SAMD12: variants seen among roughly 807,000 people sequenced by gnomAD.
SAMD12 encodes sterile alpha motif domain-containing protein 12.
A neutral mutation model predicts 15.0 loss-of-function variants in SAMD12; 9 were observed. The observed-to-expected ratio is 0.60, with a 90% CI of 0.36 to 1.05. The LOEUF is 1.05. Among genes scored for constraint, SAMD12 ranks in the 50% least tolerant of loss-of-function variants. The pLI is 0.01. For synonymous variants in SAMD12, 86 were observed against 90.1 expected, an observed-to-expected ratio of 0.96 and a Z score of 0.25; for missense variants, 230 against 234.2, an observed-to-expected ratio of 0.98 and a Z score of 0.12.
At chr8:118,246,990 A>G (rs955629955) in intron 4 of SAMD12, among the ~76,000 whole-genome samples, 1 of 152,100 alleles carries the variant, frequency 6.6e-6, no homozygotes, top group African/African-American at 2.4e-5. Context: ...AAAGGAGACA[A>G]AGTTTTAGGC....
intron 3 of SAMD12, among the ~76,000 whole-genome samples, chr8:118,437,845 G>A (rs139450051): frequency 6.4e-4 from 98 of 152,282 alleles, no homozygotes; most frequent in African/African-American, 2.3e-3. Flanking sequence ...TCTGAGGACT[G>A]TAAGGCTCAT....
At chr8:118,544,302 G>C (rs1323972921) in intron 2 of SAMD12, among the ~76,000 whole-genome samples, 2 of 152,130 alleles carry the variant, frequency 1.3e-5, no homozygotes, top group East Asian at 3.9e-4. Flanking sequence ...AAGTGAAGTA[G>C]TCTTCCACAA....
At chr8:118,466,895 C>A (rs1178455720) in intron 2 of SAMD12, among the ~76,000 whole-genome samples, 1 of 152,132 alleles carries the variant, frequency 6.6e-6, no homozygotes, top group Non-Finnish European at 1.5e-5. Flanking sequence ...GGAAATTAAC[C>A]ACTTTTCACT....
rs114671806 is a variant in SAMD12 at position 118,427,575 on chromosome 8, G to A, written c.322+12257C>T. On this transcript the variant is annotated intron_variant, in intron 3 of 3. Coordinates refer to ENST00000314727, the MANE Select transcript of SAMD12 (RefSeq NM_207506.3). ...TAATATGTGCCCTTTTGGGTTTAAC[G>A]TGTTTCACCGAGCACAATGTGAGAT... 9.2e-3 allele frequency among the ~76,000 whole-genome samples: 1,400 copies of A among 151,968 alleles called. 31 individuals carry two copies. Among genetic ancestry groups the A allele is most frequent in the African/African-American group, 0.03 (1,262 of 41,476 alleles).
At chr8:118,169,877 G>T in the SAMD12 span, among the ~76,000 whole-genome samples, 4 of 152,110 alleles carry the variant, frequency 2.6e-5, no homozygotes, top group African/African-American at 9.7e-5. Context: ...CCCACTTGTG[G>T]TTAAGTGTGT....
chr8:118,229,681 C>G (rs11562798), intron 4 of SAMD12, among the ~76,000 whole-genome samples: 4,974 of 152,256 alleles, frequency 0.033, 245 homozygotes, highest in African/African-American at 0.1. Context: ...GGCTCTGACT[C>G]TCAACTAAGC....
chr8:118,230,859 G>T (rs1034075280), intron 4 of SAMD12, among the ~76,000 whole-genome samples: 1 of 152,168 alleles, frequency 6.6e-6, no homozygotes, highest in Non-Finnish European at 1.5e-5. Flanking sequence ...GAACCCAATC[G>T]AGTGGGCTTG....
chr8:118,287,324 A>G (rs950605807), intron 4 of SAMD12, among the ~76,000 whole-genome samples: 3 of 150,818 alleles, frequency 2.0e-5, no homozygotes, highest in Non-Finnish European at 4.4e-5. Context: ...ACGGGGTTTC[A>G]CCGTGTTAGC....
chr8:118,621,493 A>C, intron 1 of SAMD12: 1 of 439,488 alleles, frequency 2.3e-6, no homozygotes, highest in Non-Finnish European at 4.1e-6. Flanking sequence ...TCTCGGGGCC[A>C]AAACCTCATG....
intron 2 of SAMD12, among the ~76,000 whole-genome samples, chr8:118,479,314 C>T (rs1046152854): frequency 3.9e-5 from 6 of 152,180 alleles, no homozygotes; most frequent in African/African-American, 1.4e-4. Context: ...TGATAAAAGA[C>T]ATATCTGAGA....
At position 118,379,507 on chromosome 8, in the gene SAMD12, G is replaced by A; in HGVS notation, c.516C>T (p.Thr172=). Residue 172 remains threonine (T), a synonymous_variant, in exon 4 of 4, where the codon ACC becomes ACT. Coordinates refer to ENST00000314727, the MANE Select transcript of SAMD12 (RefSeq NM_207506.3). ...GWMDGEIRRK[T]TLLLGQTGVR... is the part of the protein sequence containing the mutation. ...CTCCTGTCTGTCCTAATAGTAAGGT[G>A]GTCTTTCTTCTAATCTCCCCATCCA... is the stretch of plus-strand genomic sequence containing the variant. 1.2e-6 allele frequency: 2 copies of A among 1,613,746 alleles called. No homozygotes were observed. The highest frequency in any genetic ancestry group is 2.2e-5 in the East Asian group (1 of 44,852).
intron 2 of SAMD12, among the ~76,000 whole-genome samples, chr8:118,449,219 T>C (rs1268628203): frequency 1.3e-5 from 2 of 152,002 alleles, no homozygotes; most frequent in African/African-American, 4.8e-5. Context: ...CCCACAACCA[T>C]GCTCAGTTAT....
intron 2 of SAMD12, among the ~76,000 whole-genome samples, chr8:118,510,420 CAGAA>C (rs1021702114): frequency 1.3e-5 from 2 of 152,128 alleles, no homozygotes; most frequent in African/African-American, 4.8e-5. Context: ...TTTTTAAAAA[CAGAA>C]AGGGAACTAC....
intron 4 of SAMD12, among the ~76,000 whole-genome samples, chr8:118,330,159 G>T (rs1343092404): frequency 6.6e-6 from 1 of 152,194 alleles, no homozygotes; most frequent in Non-Finnish European, 1.5e-5. Context: ...ACTCATGCAA[G>T]TTCTAGCTAA....
At chr8:118,285,220 T>C (rs1813913521) in intron 4 of SAMD12, among the ~76,000 whole-genome samples, 1 of 152,166 alleles carries the variant, frequency 6.6e-6, no homozygotes, top group Admixed American at 6.5e-5. Context: ...TTGGATTTCC[T>C]AACTCTGAAT....
intron 3 of SAMD12, among the ~76,000 whole-genome samples, chr8:118,383,488 G>A (rs1293807692): frequency 6.6e-6 from 1 of 151,590 alleles, no homozygotes; most frequent in East Asian, 1.9e-4. Flanking sequence ...TGAATGAAAA[G>A]GGGGGCTGCC....
intron 2 of SAMD12, among the ~76,000 whole-genome samples, chr8:118,458,360 C>T (rs1047255860): frequency 6.6e-6 from 1 of 152,096 alleles, no homozygotes; most frequent in Admixed American, 6.5e-5. Context: ...ATTCTGGGGT[C>T]TAATTTTGAT....
At chr8:118,527,669 G>C (rs1825569333) in intron 2 of SAMD12, among the ~76,000 whole-genome samples, 1 of 152,058 alleles carries the variant, frequency 6.6e-6, no homozygotes, top group African/African-American at 2.4e-5. Flanking sequence ...TGCCACTTAA[G>C]ACAATATTAG....
chr8:118,207,888 C>G (rs1819906797), intron 4 of SAMD12, among the ~76,000 whole-genome samples: 1 of 151,268 alleles, frequency 6.6e-6, no homozygotes, highest in African/African-American at 2.4e-5. Flanking sequence ...AAAAGAAAAG[C>G]ACACTTTTAA....
Sources: allele counts gnomAD v4.1 joint callset (sites outside exome capture counted in the v4.1 genomes callset), GRCh38; gene constraint gnomAD v4.1.1; transcripts MANE v1.5; gene names NCBI Gene and HGNC (gene_info 2026-07-23, HGNC 2026-07-21).